Variants in CPXM2 observed in about 807,000 individuals in gnomAD.
The protein encoded by CPXM2 is inactive carboxypeptidase-like protein X2.
In CPXM2, 66 loss-of-function variants were observed where a neutral mutation model predicts 86.1. The observed-to-expected ratio is 0.77, with a 90% CI of 0.63 to 0.94. The LOEUF (loss-of-function observed/expected upper bound fraction) is 0.94, where lower values mean the gene tolerates loss of function less well. CPXM2 is among the 40% of genes least tolerant of loss of function. The pLI is 0.00. For missense variants in CPXM2, 948 were observed against 1,026.3 expected (o/e 0.92, Z 1.04); for synonymous variants, 388 against 400.2 (o/e 0.97, Z 0.36).
At chr10:123,869,869 G>A (rs1328852858) in intron 2 of CPXM2, among the ~76,000 whole-genome samples, 1 of 152,184 alleles carries the variant, frequency 6.6e-6, no homozygotes, top group Non-Finnish European at 1.5e-5. Flanking sequence ...TTAAGATCAT[G>A]GAGGCCTTTG....
intron 7 of CPXM2, 60 bp downstream of exon 7, chr10:123,780,107 A>G (rs1201652600): frequency 2.8e-6 from 3 of 1,056,422 alleles, no homozygotes; most frequent in African/African-American, 1.6e-5. Flanking sequence ...GCTTATGGAC[A>G]CATAATATGT....
chr10:123,801,437 G>A (rs1352595154), intron 4 of CPXM2, among the ~76,000 whole-genome samples: 1 of 152,036 alleles, frequency 6.6e-6, no homozygotes, highest in Admixed American at 6.6e-5. Flanking sequence ...TATGAAAACA[G>A]AATAACACAT....
chr10:123,885,539 G>A lies in CPXM2; in HGVS notation c.305-5230C>T, dbSNP rs561876654. Among the ~76,000 whole-genome samples, 1 of 152,322 alleles carries A rather than the reference G, an allele frequency of 6.6e-6. No individual in the cohort carries two copies. Among genetic ancestry groups the A allele is most frequent in the East Asian group, 1.9e-4 (1 of 5,180 alleles). On this transcript the variant is annotated intron_variant, in intron 1 of 13. Coordinates refer to ENST00000241305, the MANE Select transcript of CPXM2 (RefSeq NM_198148.3). This position sits in a 1 kb window ranked among gnomAD's most constrained non-coding sequence, Gnocchi z 4.0. ...TGACATCAGGGGCTTAAATTAACAT[G>A]TGAAGCTGTTTTGTGCCATGCTAAC...
chr10:123,873,270 A>C (rs1029904334), intron 2 of CPXM2, among the ~76,000 whole-genome samples: 1 of 147,060 alleles, frequency 6.8e-6, no homozygotes, highest in South Asian at 2.4e-4. Context: ...GAAAATTGAA[A>C]TTAAAAGTAT....
chr10:123,792,454 G>A (rs1330128626), intron 6 of CPXM2, among the ~76,000 whole-genome samples: 1 of 152,196 alleles, frequency 6.6e-6, no homozygotes, highest in Non-Finnish European at 1.5e-5. Context: ...CAGCTAGCCA[G>A]GATGGAAGAA....
chr10:123,795,608 C>A (rs763803347), intron 6 of CPXM2, among the ~76,000 whole-genome samples: 1 of 152,112 alleles, frequency 6.6e-6, no homozygotes, highest in Non-Finnish European at 1.5e-5. Flanking sequence ...TCATTTTGGG[C>A]CCCTGAGCTG....
At chr10:123,883,719 T>G (rs1351629954) in intron 1 of CPXM2, among the ~76,000 whole-genome samples, 1 of 152,196 alleles carries the variant, frequency 6.6e-6, no homozygotes, top group East Asian at 1.9e-4. Flanking sequence ...AGAAGAGAGC[T>G]GCCCAAGGTC....
At chr10:123,786,491 T>C (rs1048596134) in intron 6 of CPXM2, among the ~76,000 whole-genome samples, 7 of 152,094 alleles carry the variant, frequency 4.6e-5, no homozygotes, top group East Asian at 1.9e-4. Flanking sequence ...CGGCAAACAA[T>C]TGGACATTCC....
intron 6 of CPXM2, among the ~76,000 whole-genome samples, chr10:123,786,630 C>A (rs1264783867): frequency 6.6e-6 from 1 of 152,186 alleles, no homozygotes; most frequent in Non-Finnish European, 1.5e-5. Context: ...GCTGAGTCCA[C>A]CACCACAACG....
chr10:123,803,627 C>T (rs969674777), intron 4 of CPXM2, among the ~76,000 whole-genome samples: 10 of 151,892 alleles, frequency 6.6e-5, no homozygotes, highest in South Asian at 2.1e-4. Flanking sequence ...TATAGTGTGA[C>T]GGGTCAAGAT....
At chr10:123,923,233 T>A (rs975191434) in intron 2 of CPXM2, among the ~76,000 whole-genome samples, 16 of 152,130 alleles carry the variant, frequency 1.1e-4, no homozygotes, top group Admixed American at 6.5e-5. Flanking sequence ...TAAAAAGATT[T>A]AGAGATATAA....
intron 4 of CPXM2, among the ~76,000 whole-genome samples, chr10:123,818,539 C>A (rs1000064760): frequency 6.6e-6 from 1 of 152,168 alleles, no homozygotes; most frequent in East Asian, 1.9e-4. Flanking sequence ...CTATCCTGCA[C>A]GCAATGCTTC....
chr10:123,916,599 C>A (rs1433459277), intron 2 of CPXM2, among the ~76,000 whole-genome samples: 1 of 152,164 alleles, frequency 6.6e-6, no homozygotes. Context: ...ATCTGGCCTC[C>A]CTAACTCAGG....
intron 4 of CPXM2, among the ~76,000 whole-genome samples, chr10:123,830,588 G>T (rs1202659797): frequency 6.6e-6 from 1 of 152,010 alleles, no homozygotes. Flanking sequence ...CGTTTTTTAG[G>T]CCAGTTCTCT....
chr10:123,868,334 T>G (rs1170013559), intron 2 of CPXM2, among the ~76,000 whole-genome samples: 1 of 152,134 alleles, frequency 6.6e-6, no homozygotes, highest in African/African-American at 2.4e-5. Flanking sequence ...CCGTAACCCC[T>G]AGGCAGCTTC....
rs192857552 is a variant in CPXM2, at chr10:123,851,741, C to T, written c.514-9253G>A. ...CCAAGATCACGCCACTACACTCCAG[C>T]CTGGGTGACAGAACGAGACATCATC... On this transcript the variant is annotated intron_variant, in intron 3 of 13. Coordinates refer to ENST00000241305, the MANE Select transcript of CPXM2 (RefSeq NM_198148.3). Among the ~76,000 whole-genome samples, 151 of 148,324 alleles carry T rather than the reference C, an allele frequency of 1.0e-3. 1 individual carries two copies. The East Asian group carries it at 0.017, about 17-fold the overall frequency.
intron 4 of CPXM2, among the ~76,000 whole-genome samples, chr10:123,821,360 C>T (rs999393491): frequency 6.6e-6 from 1 of 152,222 alleles, no homozygotes; most frequent in African/African-American, 2.4e-5. Flanking sequence ...GCTCCTTCTA[C>T]ACAATGTTAG....
At chr10:123,900,923 T>A (rs1478192512) in intron 2 of CPXM2, among the ~76,000 whole-genome samples, 1 of 152,212 alleles carries the variant, frequency 6.6e-6, no homozygotes, top group African/African-American at 2.4e-5. Flanking sequence ...AATGAATCGA[T>A]CCTTTTTTAT....
chr10:123,851,145 CCA>C (rs1848590710), intron 3 of CPXM2, among the ~76,000 whole-genome samples: 1 of 152,182 alleles, frequency 6.6e-6, no homozygotes, highest in African/African-American at 2.4e-5. Context: ...TGCTCCATAA[CCA>C]CAGTGTAGCT....
Sources: allele counts gnomAD v4.1 joint callset (sites outside exome capture counted in the v4.1 genomes callset), GRCh38; gene constraint gnomAD v4.1.1; non-coding constraint Gnocchi (gnomAD v3.1); transcripts MANE v1.5; gene names NCBI Gene and HGNC (gene_info 2026-07-23, HGNC 2026-07-21).